Variants in DNAJC6 observed in about 807,000 individuals in gnomAD.
The protein encoded by DNAJC6 is auxilin.
DNAJC6 carries 34 observed loss-of-function variants against 110.0 expected under a neutral mutation model. That is an observed-to-expected ratio of 0.31 (90% CI 0.24 to 0.41). The LOEUF (loss-of-function observed/expected upper bound fraction) is 0.41, where lower values mean the gene tolerates loss of function less well. DNAJC6 is among the 10% of genes least tolerant of loss of function. DNAJC6 has a pLI of 1.00. For missense variants in DNAJC6, 1,031 were observed against 1,207.8 expected (o/e 0.85, Z 2.17); for synonymous variants, 406 against 437.2 (o/e 0.93, Z 0.89).
At chr1:65,406,655 C>A (rs572967987) in intron 16 of DNAJC6, among the ~76,000 whole-genome samples, 14 of 152,252 alleles carry the variant, frequency 9.2e-5, no homozygotes, top group Non-Finnish European at 1.9e-4. Context: ...TTATGCTCTG[C>A]TTGGTGGATT....
At chr1:65,278,142 C>T (rs1277651299) in intron 1 of DNAJC6, among the ~76,000 whole-genome samples, 1 of 152,152 alleles carries the variant, frequency 6.6e-6, no homozygotes, top group Non-Finnish European at 1.5e-5. Context: ...TCCCAGGTTG[C>T]GCGCTGCGTT....
chr1:65,273,664 A>AC (rs1653577143), intron 1 of DNAJC6, among the ~76,000 whole-genome samples: 1 of 152,128 alleles, frequency 6.6e-6, no homozygotes, highest in Non-Finnish European at 1.5e-5. Context: ...GTACACCTGC[A>AC]AGTATTGTTA....
chr1:65,401,480 G>C (rs1455539588), intron 14 of DNAJC6, among the ~76,000 whole-genome samples: 1 of 152,226 alleles, frequency 6.6e-6, no homozygotes, highest in Non-Finnish European at 1.5e-5. Context: ...ATAGGAAAGA[G>C]TGAAGTCAGG....
chr1:65,350,017 A>T (rs1289249747), intron 1 of DNAJC6, among the ~76,000 whole-genome samples: 3 of 152,190 alleles, frequency 2.0e-5, no homozygotes, highest in Non-Finnish European at 4.4e-5. Flanking sequence ...CACAACAAAG[A>T]ATTATCCAAT....
chr1:65,300,043 CAAAAAAAAAAAAAA>C (rs59681451), intron 1 of DNAJC6, among the ~76,000 whole-genome samples: 1 of 112,052 alleles, frequency 8.9e-6, no homozygotes, highest in Non-Finnish European at 1.9e-5. Context: ...AACTCCATCT[CAAAAAAAAAAAAAA>C]AAAAAAGAAA....
At position 65,309,592 on chromosome 1, in the gene DNAJC6, C is replaced by T; in HGVS notation, c.-154C>T. The T allele has an allele frequency of 8.1e-7, 1 of 1,229,572 alleles. No individual in the cohort carries two copies. The highest frequency in any genetic ancestry group is 1.0e-6 in the Non-Finnish European group (1 of 981,990). 76.2% of individuals were successfully genotyped at this position (1,229,572 alleles called of 1,614,324 possible). ...GGCTTCGCCTCGCCCGGCGAAGCTT[C>T]TCTCCGGTGGCCGCTCCTTCTTTTC... is the stretch of plus-strand genomic sequence containing the variant. On this transcript the variant is annotated 5_prime_UTR_variant, in exon 1 of 19. Coordinates refer to ENST00000371069, the MANE Select transcript of DNAJC6 (RefSeq NM_001256864.2).
intron 17 of DNAJC6, among the ~76,000 whole-genome samples, chr1:65,409,296 T>C (rs906164259): frequency 2.0e-5 from 3 of 152,196 alleles, no homozygotes; most frequent in African/African-American, 7.2e-5. Context: ...TCTATTTCAT[T>C]TGGTCTTTGC....
intron 1 of DNAJC6, among the ~76,000 whole-genome samples, chr1:65,343,066 G>A (rs930597971): frequency 6.6e-6 from 1 of 152,126 alleles, no homozygotes; most frequent in Non-Finnish European, 1.5e-5. Flanking sequence ...TGAGATCTGA[G>A]CATCATTCAC....
chr1:65,404,076 T>C (rs1267321917), intron 15 of DNAJC6, among the ~76,000 whole-genome samples: 1 of 152,202 alleles, frequency 6.6e-6, no homozygotes, highest in Non-Finnish European at 1.5e-5. Flanking sequence ...CAGTGTAGAA[T>C]GAATACCAAG....
At chr1:65,342,753 T>C (rs1300003440) in intron 1 of DNAJC6, among the ~76,000 whole-genome samples, 1 of 152,200 alleles carries the variant, frequency 6.6e-6, no homozygotes, top group Non-Finnish European at 1.5e-5. Context: ...TGGCTATTGC[T>C]GTTATCATCT....
At chr1:65,336,501 A>T (rs1381601511) in intron 1 of DNAJC6, among the ~76,000 whole-genome samples, 1 of 152,214 alleles carries the variant, frequency 6.6e-6, no homozygotes, top group Non-Finnish European at 1.5e-5. Flanking sequence ...TAAAAAGGGG[A>T]AACACAGGTA....
At chr1:65,385,972 G>A in intron 7 of DNAJC6, 66 bp downstream of exon 7, 1 of 1,396,090 alleles carries the variant, frequency 7.2e-7, no homozygotes, top group Non-Finnish European at 9.7e-7. Context: ...GCAGGAATGA[G>A]TTGAATCATA....
intron 4 of DNAJC6, among the ~76,000 whole-genome samples, chr1:65,371,906 G>C (rs1645709846): frequency 6.6e-6 from 1 of 151,918 alleles, no homozygotes; most frequent in Non-Finnish European, 1.5e-5. Context: ...TTATTTTGTT[G>C]GTTTTGTTTA....
chr1:65,413,603 A>T lies in DNAJC6; in HGVS notation c.*578A>T, dbSNP rs1197199936. 3 of 152,234 alleles carry T rather than the reference A, an allele frequency of 2.0e-5. No homozygotes were observed. Among genetic ancestry groups the T allele is most frequent in the African/African-American group, 4.8e-5 (2 of 41,432 alleles). The allele number at this position is 152,234 out of a possible 1,614,324, so 9.4% of individuals were successfully genotyped here. A position where few individuals can be genotyped will look rare whatever the true frequency, so the allele number is the denominator to read the frequency against. On this transcript the variant is annotated 3_prime_UTR_variant, in exon 19 of 19. Coordinates refer to ENST00000371069, the MANE Select transcript of DNAJC6 (RefSeq NM_001256864.2). Reference sequence around the variant, plus strand: ...ATATAAAGGAACTTGAAATGTGGGGAGTGATAATAGTCCAGTGATTAAACT... The same window carrying T: ...ATATAAAGGAACTTGAAATGTGGGGTGTGATAATAGTCCAGTGATTAAACT...
intron 10 of DNAJC6, 43 bp downstream of exon 10, chr1:65,389,492 T>C: frequency 1.2e-6 from 2 of 1,613,612 alleles, no homozygotes; most frequent in Non-Finnish European, 1.7e-6. Context: ...ATGAAGCCTC[T>C]CTGTTATTTA....
intron 1 of DNAJC6, among the ~76,000 whole-genome samples, chr1:65,340,209 T>C (rs765425094): frequency 5.9e-5 from 9 of 152,170 alleles, no homozygotes; most frequent in Non-Finnish European, 1.0e-4. Flanking sequence ...GACCCTTGCC[T>C]GGGAGGGAGT....
chr1:65,403,760 T>G (rs950534969), intron 15 of DNAJC6, among the ~76,000 whole-genome samples: 8 of 152,190 alleles, frequency 5.3e-5, no homozygotes, highest in Non-Finnish European at 7.3e-5. Flanking sequence ...TCAATAGCAT[T>G]AACAATTAGA....
intron 1 of DNAJC6, among the ~76,000 whole-genome samples, chr1:65,319,274 A>T (rs1042582371): frequency 6.6e-6 from 1 of 152,244 alleles, no homozygotes; most frequent in African/African-American, 2.4e-5. Flanking sequence ...AGCTTGGCAC[A>T]AGCTTTCACC....
At chr1:65,337,245 G>A (rs200367445) in intron 1 of DNAJC6, among the ~76,000 whole-genome samples, 15 of 148,528 alleles carry the variant, frequency 1.0e-4, no homozygotes, top group Non-Finnish European at 1.8e-4. Flanking sequence ...TCTGTTTTTT[G>A]TCATCACTGT....
Sources: allele counts gnomAD v4.1 joint callset (sites outside exome capture counted in the v4.1 genomes callset), GRCh38; gene constraint gnomAD v4.1.1; transcripts MANE v1.5; gene names NCBI Gene and HGNC (gene_info 2026-07-23, HGNC 2026-07-21).